TNR: variants seen among roughly 807,000 people sequenced by gnomAD.
The protein encoded by TNR is tenascin R.
A neutral mutation model predicts 150.4 loss-of-function variants in TNR; 45 were observed. That is an observed-to-expected ratio of 0.30 (90% confidence interval 0.24 to 0.38). The LOEUF (loss-of-function observed/expected upper bound fraction) is 0.38, where lower values mean the gene tolerates loss of function less well. Among genes scored for constraint, TNR ranks in the 10% least tolerant of loss-of-function variants. The pLI, the probability that TNR is intolerant of heterozygous loss-of-function variation, is 1.00. For missense variants in TNR, 1,544 were observed against 1,759.1 expected (o/e 0.88, Z 2.19); for synonymous variants, 687 against 678.4 (o/e 1.01, Z -0.20).
At chr1:175,518,774 C>G (rs762416145) in intron 2 of TNR, among the ~76,000 whole-genome samples, 37 of 152,150 alleles carry the variant, frequency 2.4e-4, no homozygotes, top group Non-Finnish European at 3.7e-4. Context: ...CTTATCGCCC[C>G]CTCTACATTT....
intron 1 of TNR, among the ~76,000 whole-genome samples, chr1:175,657,624 C>T (rs1425093114): frequency 6.6e-6 from 1 of 151,374 alleles, no homozygotes; most frequent in African/African-American, 2.4e-5. Flanking sequence ...TTTGTAGGGA[C>T]ATGGATGAAG....
chr1:175,608,234 A>G (rs1043997667), intron 1 of TNR, among the ~76,000 whole-genome samples: 1 of 152,262 alleles, frequency 6.6e-6, no homozygotes, highest in African/African-American at 2.4e-5. Context: ...AAGTGGCACT[A>G]CAACTCAATG....
intron 1 of TNR, among the ~76,000 whole-genome samples, chr1:175,671,337 CTG>C (rs776811647): frequency 1.3e-5 from 2 of 152,232 alleles, no homozygotes; most frequent in African/African-American, 2.4e-5. Flanking sequence ...GCAGCTGACA[CTG>C]TGCAGCCAGG....
At chr1:175,450,320 C>G (rs6659443) in intron 2 of TNR, among the ~76,000 whole-genome samples, 2,250 of 152,306 alleles carry the variant, frequency 0.015, 70 homozygotes, top group African/African-American at 0.051. Context: ...AACCTCACCC[C>G]TCACCTCAAG....
At chr1:175,634,234 A>ATTGTCT (rs1664423924) in intron 1 of TNR, among the ~76,000 whole-genome samples, 2 of 152,158 alleles carry the variant, frequency 1.3e-5, no homozygotes, top group Non-Finnish European at 2.9e-5. Flanking sequence ...CCCCTGAATG[A>ATTGTCT]TTGTCTTTCT....
At chr1:175,656,538 A>G (rs73033384) in intron 1 of TNR, 6,201 of 152,368 alleles carry the variant, frequency 0.041, 350 homozygotes, top group African/African-American at 0.13. Flanking sequence ...GCCCTGTGCA[A>G]GAATATACTG....
intron 2 of TNR, among the ~76,000 whole-genome samples, chr1:175,412,953 T>C (rs1190790280): frequency 6.6e-6 from 1 of 152,244 alleles, no homozygotes; most frequent in Non-Finnish European, 1.5e-5. Flanking sequence ...TCTGGCTTTA[T>C]TCTCTACTGC....
At chr1:175,617,881 T>C (rs1167476126) in intron 1 of TNR, among the ~76,000 whole-genome samples, 2 of 152,228 alleles carry the variant, frequency 1.3e-5, no homozygotes, top group Non-Finnish European at 2.9e-5. Context: ...ATTTTACCCA[T>C]TTTAGATCAG....
chr1:175,453,728 C>T (rs1478738357), intron 2 of TNR, among the ~76,000 whole-genome samples: 1 of 151,968 alleles, frequency 6.6e-6, no homozygotes, highest in African/African-American at 2.4e-5. Flanking sequence ...TGCACCACCA[C>T]ACCTGGCTAA....
At chr1:175,520,063 T>A (rs1659574178) in intron 2 of TNR, among the ~76,000 whole-genome samples, 1 of 152,214 alleles carries the variant, frequency 6.6e-6, no homozygotes, top group Non-Finnish European at 1.5e-5. Context: ...CCTACTATCG[T>A]TGGTTGTTAA....
intron 1 of TNR, among the ~76,000 whole-genome samples, chr1:175,690,013 A>G (rs925535524): frequency 6.6e-6 from 1 of 152,226 alleles, no homozygotes; most frequent in African/African-American, 2.4e-5. Flanking sequence ...ACTGCTATTT[A>G]ACAAATGGAT....
At chr1:175,521,165 C>T (rs773287770) in intron 2 of TNR, among the ~76,000 whole-genome samples, 21 of 152,110 alleles carry the variant, frequency 1.4e-4, no homozygotes, top group Non-Finnish European at 1.0e-4. Flanking sequence ...ATTTTGTTGG[C>T]GATATCCTGC....
In TNR at chr1:175,403,490, G is replaced by C. The variant is rs375041454; in HGVS notation, c.626C>G (p.Ser209Cys). 1.2e-6 allele frequency: 2 copies of C among 1,614,222 alleles called. No individual in the cohort carries two copies. The highest frequency in any genetic ancestry group is 1.3e-5 in the African/African-American group (1 of 75,058). ...CSEPYCPLGC[S>C]SRGVCVDGQC... is the part of the protein sequence containing the mutation. ...GCCATCCACACACACCCCCCGGCTG[G>C]AGCAACCCAGCGGGCAGTAGGGCTC... Residue 209 changes from serine (S) to cysteine (C), a missense_variant, in exon 4 of 23, where the codon TCC becomes TGC. Physicochemically the swap from Ser to Cys is moderately radical, Grantham distance 112. Around this residue, in one of 2 missense-constraint regions of TNR, gnomAD observed 1,254 missense variants for 1,329.4 expected, o/e 0.94. Transcript: ENST00000367674.
intron 1 of TNR, among the ~76,000 whole-genome samples, chr1:175,688,668 C>A (rs1666270092): frequency 6.6e-6 from 1 of 152,206 alleles, no homozygotes; most frequent in Admixed American, 6.5e-5. Flanking sequence ...CACTAGCAAT[C>A]CCTAAAGCTG....
chr1:175,458,483 A>G (rs977448276), intron 2 of TNR, among the ~76,000 whole-genome samples: 1 of 152,224 alleles, frequency 6.6e-6, no homozygotes, highest in African/African-American at 2.4e-5. Context: ...TATATGAGCT[A>G]AGGCAAATGA....
chr1:175,734,569 T>C (rs1667723580), intron 1 of TNR, among the ~76,000 whole-genome samples: 1 of 152,192 alleles, frequency 6.6e-6, no homozygotes, highest in Non-Finnish European at 1.5e-5. Context: ...GGCTTTGCAG[T>C]CACATCCCAT....
At chr1:175,727,937 G>A (rs1314039513) in intron 1 of TNR, among the ~76,000 whole-genome samples, 1 of 152,214 alleles carries the variant, frequency 6.6e-6, no homozygotes, top group Non-Finnish European at 1.5e-5. Context: ...TAACTTACTA[G>A]GAAAATATAG....
intron 1 of TNR, among the ~76,000 whole-genome samples, chr1:175,701,970 T>C (rs1227531552): frequency 1.3e-5 from 2 of 152,250 alleles, no homozygotes; most frequent in South Asian, 2.1e-4. Flanking sequence ...CGATTTATAG[T>C]GGAGTGCAAG....
At chr1:175,401,332 A>G (rs1653693948) in intron 4 of TNR, among the ~76,000 whole-genome samples, 1 of 152,180 alleles carries the variant, frequency 6.6e-6, no homozygotes, top group Non-Finnish European at 1.5e-5. Context: ...GCGATGGCCC[A>G]CACTGACCCT....
Sources: gnomAD v4.1 joint callset for allele counts (sites outside exome capture counted in the v4.1 genomes callset) on GRCh38, gnomAD v4.1.1 for gene constraint, gnomAD v4.1.1 regional missense constraint, MANE v1.5 for transcripts, NCBI Gene and HGNC (gene_info 2026-07-23, HGNC 2026-07-21) for gene names.